Variants in TAB2 observed in about 807,000 individuals in gnomAD.
TAB2 encodes TGF-beta-activated kinase 1 and MAP3K7-binding protein 2.
In TAB2, 3 loss-of-function variants were observed where a neutral mutation model predicts 65.0. The ratio of observed to expected loss-of-function variants is 0.05; its 90% CI spans 0.02 to 0.12. The LOEUF (loss-of-function observed/expected upper bound fraction) is 0.12. Ranked by LOEUF, TAB2 falls within the 10% of genes least tolerant of loss-of-function variation. The pLI is 1.00. For missense variants in TAB2, 623 were observed against 840.3 expected (o/e 0.74, Z 3.20); for synonymous variants, 298 against 285.1 (o/e 1.05, Z -0.46).
chr6:149,260,314 G>A (rs960675032), intron 1 of TAB2, among the ~76,000 whole-genome samples: 2 of 152,210 alleles, frequency 1.3e-5, no homozygotes, highest in East Asian at 1.9e-4. Context: ...GGAGGAGAGA[G>A]GTTGAGCTGA....
intron 1 of TAB2, among the ~76,000 whole-genome samples, chr6:149,356,096 T>G (rs1780646322): frequency 1.3e-5 from 2 of 152,248 alleles, no homozygotes; most frequent in Non-Finnish European, 2.9e-5. Context: ...TTCTGATACC[T>G]CCTAATTTAA....
At chr6:149,308,297 T>G (rs1779104193) in intron 1 of TAB2, among the ~76,000 whole-genome samples, 1 of 152,144 alleles carries the variant, frequency 6.6e-6, no homozygotes, top group African/African-American at 2.4e-5. Context: ...GCAGGAAGCG[T>G]ACACTGATTA....
At chr6:149,254,092 AGGAAGGAAG>A (rs1562389642) in intron 1 of TAB2, among the ~76,000 whole-genome samples, 1 of 107,384 alleles carries the variant, frequency 9.3e-6, no homozygotes, top group Non-Finnish European at 2.1e-5. Flanking sequence ...GAAGGAAGGA[AGGAAGGAAG>A]GAAGGAAGGA....
chr6:149,302,081 C>G (rs926384875), intron 1 of TAB2, among the ~76,000 whole-genome samples: 4 of 152,144 alleles, frequency 2.6e-5, no homozygotes, highest in Non-Finnish European at 5.9e-5. Context: ...CTTCTACAAA[C>G]TTACAGCCTG....
At chr6:149,238,750 C>T (rs774108568) in intron 1 of TAB2, among the ~76,000 whole-genome samples, 3 of 152,222 alleles carry the variant, frequency 2.0e-5, no homozygotes, top group Non-Finnish European at 4.4e-5. Flanking sequence ...CTGCTCGGGG[C>T]ATATTCTCTT....
At chr6:149,274,442 T>A (rs1000610600) in intron 1 of TAB2, among the ~76,000 whole-genome samples, 15 of 152,370 alleles carry the variant, frequency 9.8e-5, no homozygotes, top group African/African-American at 3.6e-4. Flanking sequence ...TGAAATATTA[T>A]CATGGCTTTG....
chr6:149,357,430 A>AAAAAAACACACACACACACAC lies in TAB2; in HGVS notation c.-89-12478_-89-12477insAAAAACACACACACACACACA. ...GACTCCGTCTCAAGGAGAAAAAAAA[A>AAAAAAACACACACACACACAC]ACACACACACACACACACACACACA... On this transcript the variant is annotated intron_variant, in intron 1 of 6. Coordinates refer to ENST00000637181, the MANE Select transcript of TAB2 (RefSeq NM_001292034.3). Among the ~76,000 whole-genome samples the AAAAAAACACACACACACACAC allele has an allele frequency of 8.0e-3, 887 of 111,010 alleles. 8 individuals are homozygous for AAAAAAACACACACACACACAC. Among genetic ancestry groups the AAAAAAACACACACACACACAC allele is most frequent in the Non-Finnish European group, 0.01 (566 of 55,948 alleles). The allele number at this position is 111,010 out of a possible 152,430, so 72.8% of individuals were successfully genotyped here.
chr6:149,345,552 A>G (rs1464578620), intron 1 of TAB2, among the ~76,000 whole-genome samples: 3 of 118,362 alleles, frequency 2.5e-5, no homozygotes, highest in Non-Finnish European at 5.5e-5. Context: ...TAATGCATGA[A>G]TATGTGTTAT....
intron 1 of TAB2, among the ~76,000 whole-genome samples, chr6:149,342,286 G>A (rs1313972153): frequency 1.3e-5 from 2 of 152,126 alleles, no homozygotes; most frequent in African/African-American, 4.8e-5. Context: ...TTGGAAATAC[G>A]ATAGTGAAAG....
intron 1 of TAB2, among the ~76,000 whole-genome samples, chr6:149,238,771 A>C (rs896636131): frequency 1.3e-5 from 2 of 152,182 alleles, no homozygotes; most frequent in African/African-American, 4.8e-5. Context: ...TCTCTTTTAA[A>C]ACACAGACTT....
intron 1 of TAB2, among the ~76,000 whole-genome samples, chr6:149,341,775 T>C (rs1285397505): frequency 6.6e-6 from 1 of 152,220 alleles, no homozygotes; most frequent in Admixed American, 6.5e-5. Flanking sequence ...GATCTTCGTC[T>C]TCACTACTTT....
At chr6:149,220,229 AG>A (rs1717394703) in intron 1 of TAB2, among the ~76,000 whole-genome samples, 1 of 152,228 alleles carries the variant, frequency 6.6e-6, no homozygotes, top group Admixed American at 6.5e-5. Context: ...AGTTGGAAAA[AG>A]GAGGAATATT....
At chr6:149,252,173 G>A (rs1777875292) in intron 1 of TAB2, among the ~76,000 whole-genome samples, 1 of 152,094 alleles carries the variant, frequency 6.6e-6, no homozygotes, top group Non-Finnish European at 1.5e-5. Context: ...TTGGGAGGCC[G>A]AGGCGGGTGG....
intron 1 of TAB2, among the ~76,000 whole-genome samples, chr6:149,228,073 A>G (rs1018168211): frequency 1.3e-5 from 2 of 152,124 alleles, no homozygotes; most frequent in African/African-American, 4.8e-5. Context: ...TCTGATCAAC[A>G]CTGCCTCAAA....
intron 1 of TAB2, among the ~76,000 whole-genome samples, chr6:149,271,924 T>C (rs1049151506): frequency 2.0e-5 from 3 of 151,994 alleles, no homozygotes; most frequent in African/African-American, 7.3e-5. Flanking sequence ...GGCCTCACAC[T>C]CTGAAGGACG....
At chr6:149,349,183 G>A (rs941254489) in intron 1 of TAB2, among the ~76,000 whole-genome samples, 8 of 151,956 alleles carry the variant, frequency 5.3e-5, no homozygotes, top group Non-Finnish European at 5.9e-5. Context: ...TGCTTTGGGA[G>A]ACTGAGGCGG....
Position 149,223,302 on chromosome 6 carries a change from T to A in TAB2, c.-121+4526T>A, listed in dbSNP as rs138542364. Among the ~76,000 whole-genome samples the A allele has an allele frequency of 2.6e-4, 39 of 152,372 alleles. No individual in the cohort carries two copies. The East Asian group carries it at 5.2e-3, about 20-fold the overall frequency. On this transcript the variant is annotated intron_variant, in intron 1 of 1. Transcript: ENST00000606202. ...GCTTTGTGACCTGTCGATGAGGACA[T>A]CTCAGTCAGTCTTTTCCAGTACCTC...
At position 149,354,742 on chromosome 6, in the gene TAB2, A is replaced by G. The variant is rs574933478; in HGVS notation, c.-89-15167A>G. Reference sequence around the variant, plus strand: ...CTGCACTTAGTGGTGGTAGTTTTTTAACTGAGTATTGTTTCTTGGGGATTA... The same window carrying G: ...CTGCACTTAGTGGTGGTAGTTTTTTGACTGAGTATTGTTTCTTGGGGATTA... On this transcript the variant is annotated intron_variant, in intron 1 of 6. Transcript: ENST00000637181. Among the ~76,000 whole-genome samples, 27 of 152,278 alleles carry G rather than the reference A, an allele frequency of 1.8e-4. 1 individual carries two copies. In the South Asian group the frequency reaches 5.4e-3, roughly 30 times the overall value.
chr6:149,299,851 T>G (rs961327946), intron 1 of TAB2, among the ~76,000 whole-genome samples: 1 of 151,906 alleles, frequency 6.6e-6, no homozygotes, highest in African/African-American at 2.4e-5. Flanking sequence ...ATTTTTTTTT[T>G]TTTTTAACTT....
Sources: gnomAD v4.1 joint callset for allele counts (sites outside exome capture counted in the v4.1 genomes callset) on GRCh38, gnomAD v4.1.1 for gene constraint, MANE v1.5 for transcripts, NCBI Gene and HGNC (gene_info 2026-07-23, HGNC 2026-07-21) for gene names.